POGLUT1: variants seen among roughly 807,000 people sequenced by gnomAD.
The protein encoded by POGLUT1 is 9630046K23Rik.
A neutral mutation model predicts 61.3 loss-of-function variants in POGLUT1; 32 were observed. That is an observed-to-expected ratio of 0.52 (90% CI 0.39 to 0.70). The LOEUF is 0.70. Ranked by LOEUF, POGLUT1 falls within the 30% of genes least tolerant of loss-of-function variation. The pLI, the probability that POGLUT1 is intolerant of heterozygous loss-of-function variation, is 0.00. For synonymous variants in POGLUT1, 158 were observed against 158.2 expected, an observed-to-expected ratio of 1.00 and a Z score of 0.01; for missense variants, 411 against 469.8, an observed-to-expected ratio of 0.87 and a Z score of 1.16.
chr3:119,477,511 T>A, intron 4 of POGLUT1, 63 bp downstream of exon 4: 3 of 1,506,386 alleles, frequency 2.0e-6, no homozygotes, highest in Non-Finnish European at 2.8e-6. Context: ...GAGCATGAGA[T>A]CTTTGTCCGG....
At chr3:119,470,207 C>T (rs377391202) in intron 2 of POGLUT1, among the ~76,000 whole-genome samples, 2 of 152,092 alleles carry the variant, frequency 1.3e-5, no homozygotes, top group East Asian at 1.9e-4. Context: ...AGTGCGTGCT[C>T]GATAAATATT....
chr3:119,480,262 T>C (rs2107710910), intron 5 of POGLUT1, 90 bp downstream of exon 5: 1 of 1,166,050 alleles, frequency 8.6e-7, no homozygotes, highest in South Asian at 1.8e-5. Flanking sequence ...CTTTTTTTTT[T>C]TTTGAGACGG....
At chr3:119,478,364 C>T (rs1431520678) in intron 4 of POGLUT1, 1 of 456,564 alleles carries the variant, frequency 2.2e-6, no homozygotes, top group Non-Finnish European at 4.4e-6. Flanking sequence ...TGCAAGTGGG[C>T]AGAGGCCACA....
At position 119,471,350 on chromosome 3, in the gene POGLUT1, C is replaced by T; in HGVS notation, c.218C>T (p.Ser73Phe). ...EDLTPFRGGI[S>F]RKMMAEVVRR... is the part of the protein sequence containing the mutation. ...CTAACTCCTTTCCGAGGAGGCATCTCCAGGAAGATGATGGCAGAGGTAGTC... is the reference window on the plus strand; with the variant it reads ...CTAACTCCTTTCCGAGGAGGCATCTTCAGGAAGATGATGGCAGAGGTAGTC... Residue 73 changes from serine to phenylalanine, a missense_variant, in exon 3 of 11, where the codon TCC becomes TTC. Transcript: ENST00000295588. The T allele has an allele frequency of 1.2e-6, 2 of 1,613,668 alleles. No homozygotes were observed. The highest frequency in any genetic ancestry group is 1.7e-6 in the Non-Finnish European group (2 of 1,179,582).
intron 5 of POGLUT1, among the ~76,000 whole-genome samples, chr3:119,484,219 G>A (rs1045741821): frequency 3.9e-5 from 6 of 152,086 alleles, no homozygotes; most frequent in African/African-American, 1.2e-4. Context: ...ACTGAGCAGC[G>A]TTCTCAGCTG....
rs756412240 is a variant in POGLUT1, at chr3:119,469,196, A to G, written c.85+90A>G. 23 of 1,037,104 alleles carry G rather than the reference A, an allele frequency of 2.2e-5. No homozygotes were observed. In the South Asian group the frequency reaches 3.0e-4, roughly 13 times the overall value. 64.2% of individuals were successfully genotyped at this position (1,037,104 alleles called of 1,614,324 possible). A position where few individuals can be genotyped will look rare whatever the true frequency, so the allele number is the denominator to read the frequency against. On this transcript the variant is annotated intron_variant, in intron 1 of 10. Transcript: ENST00000295588. The stretch of plus-strand genomic sequence containing the variant: ...TCCCCCGCGCGGCCGGCTCCCGGGA[A>G]GATGCCGTGGCCGCTGTAGCTCGGA...
In POGLUT1 at chr3:119,477,467, A is replaced by G; in HGVS notation, c.456+19A>G. The G allele has an allele frequency of 6.2e-7, 1 of 1,612,372 alleles. No homozygotes were observed. The highest frequency in any genetic ancestry group is 1.1e-5 in the South Asian group (1 of 91,010). ...CAGTAAGGTAAGTACAGGGAGAGCC[A>G]CATGGGTGGATGGAGAGTGGTCCTC... On this transcript the variant is annotated intron_variant, in intron 4 of 10. Coordinates refer to ENST00000295588, the MANE Select transcript of POGLUT1 (RefSeq NM_152305.3).
At chr3:119,470,486 G>A (rs2081457537) in intron 2 of POGLUT1, among the ~76,000 whole-genome samples, 1 of 152,208 alleles carries the variant, frequency 6.6e-6, no homozygotes, top group Non-Finnish European at 1.5e-5. Flanking sequence ...TGAGGCAGGA[G>A]AATCGCTTGA....
At chr3:119,471,583 T>C (rs2107704894) in intron 3 of POGLUT1, 131 bp downstream of exon 3, 2 of 834,852 alleles carry the variant, frequency 2.4e-6, no homozygotes, top group Non-Finnish European at 4.0e-6. Context: ...TATGAAATAG[T>C]GACGAGCTCT....
At chr3:119,485,898 AC>A (rs2081658849) in intron 6 of POGLUT1, among the ~76,000 whole-genome samples, 1 of 152,248 alleles carries the variant, frequency 6.6e-6, no homozygotes, top group East Asian at 1.9e-4. Flanking sequence ...TAGTAGGAGG[AC>A]CCTGTGTTGT....
At chr3:119,471,580 T>C in intron 3 of POGLUT1, 128 bp downstream of exon 3, 4 of 862,726 alleles carry the variant, frequency 4.6e-6, no homozygotes, top group Middle Eastern at 2.9e-4. Context: ...GACTATGAAA[T>C]AGTGACGAGC....
chr3:119,485,346 A>T lies in POGLUT1; in HGVS notation c.597A>T (p.Pro199=). 1 of 1,606,496 alleles carries T rather than the reference A, an allele frequency of 6.2e-7. No individual in the cohort carries two copies. The highest frequency in any genetic ancestry group is 8.5e-7 in the Non-Finnish European group (1 of 1,173,368). ...TTCTTAGGTCAGCAGCACAGTGGCCATGGAAAAAGAAAAACTCTACAGCAT... is the reference window on the plus strand; with the variant it reads ...TTCTTAGGTCAGCAGCACAGTGGCCTTGGAAAAAGAAAAACTCTACAGCAT... ...EDLVRSAAQW[P]WKKKNSTAYF... Residue 199 remains proline (P), a synonymous_variant, in exon 6 of 11, where the codon CCA becomes CCT. Coordinates refer to ENST00000295588, the MANE Select transcript of POGLUT1 (RefSeq NM_152305.3).
At chr3:119,485,203 C>T in intron 5 of POGLUT1, 125 bp from the exon 6 acceptor site, 5 of 598,658 alleles carry the variant, frequency 8.4e-6, no homozygotes, top group South Asian at 4.4e-5. Flanking sequence ...GACGACAGTG[C>T]GAGACTCCGT....
chr3:119,471,336 C>A lies in POGLUT1; in HGVS notation c.204C>A (p.Phe68Leu). ...TCATAGAAGAGGATCTAACTCCTTT[C>A]CGAGGAGGCATCTCCAGGAAGATGA... ...HGVIEEDLTPFRGGISRKMMA... is the reference protein window; with the variant it reads ...HGVIEEDLTPLRGGISRKMMA... The change falls in exon 3 of 11, where the codon TTC becomes TTA. Residue 68 changes from phenylalanine (F) to leucine (L), a missense_variant. Coordinates refer to ENST00000295588, the MANE Select transcript of POGLUT1 (RefSeq NM_152305.3). 6.2e-7 allele frequency: 1 copy of A among 1,614,042 alleles called. No individual in the cohort carries two copies. The highest frequency in any genetic ancestry group is 8.5e-7 in the Non-Finnish European group (1 of 1,179,936).
intron 1 of POGLUT1, 26 bp downstream of exon 1, chr3:119,469,132 G>A: frequency 1.3e-6 from 2 of 1,546,054 alleles, no homozygotes; most frequent in East Asian, 2.3e-5. Flanking sequence ...TGCCGAGCCT[G>A]CCCCTTGGGC....
At chr3:119,491,451 C>T (rs1347919482) in intron 9 of POGLUT1, 67 bp from the exon 10 acceptor site, 2 of 705,684 alleles carry the variant, frequency 2.8e-6, no homozygotes, top group South Asian at 1.8e-5. Context: ...CAATCTATAT[C>T]GTCTTTCTGA....
intron 6 of POGLUT1, 42 bp downstream of exon 6, chr3:119,485,429 T>C (rs1465975139): frequency 1.5e-6 from 2 of 1,333,960 alleles, no homozygotes; most frequent in Admixed American, 3.4e-5. Context: ...TTCTTCCAAG[T>C]AATGTAAAAT....
At chr3:119,471,223 T>C in intron 2 of POGLUT1, 86 bp from the exon 3 acceptor site, 1 of 1,222,928 alleles carries the variant, frequency 8.2e-7, no homozygotes. Flanking sequence ...TGTTCTCTAA[T>C]ACGAAACCTA....
chr3:119,477,169 G>C, intron 3 of POGLUT1, 144 bp from the exon 4 acceptor site: 1 of 775,284 alleles, frequency 1.3e-6, no homozygotes, highest in South Asian at 1.7e-5. Context: ...TAGAAGCATT[G>C]TTTTCAGGAG....
Sources: allele counts gnomAD v4.1 joint callset (sites outside exome capture counted in the v4.1 genomes callset), GRCh38; gene constraint gnomAD v4.1.1; transcripts MANE v1.5; gene names NCBI Gene and HGNC (gene_info 2026-07-23, HGNC 2026-07-21).